COA1: variants seen among roughly 807,000 people sequenced by gnomAD.
COA1 encodes cytochrome c oxidase assembly factor 1 homolog.
Under a neutral mutation model 16.0 loss-of-function variants are expected in COA1, and 13 were observed. The observed-to-expected ratio is 0.81, with a 90% confidence interval of 0.53 to 1.29. The LOEUF is 1.29. COA1 is among the 50% of genes most tolerant of loss of function. The pLI is 0.00. For synonymous variants in COA1, 65 were observed against 65.7 expected (o/e 0.99, Z 0.05); for missense variants, 179 against 177.0 (o/e 1.01, Z -0.06).
intron 6 of COA1, among the ~76,000 whole-genome samples, chr7:43,615,229 G>C (rs1312467320): frequency 1.3e-5 from 2 of 152,174 alleles, no homozygotes; most frequent in Admixed American, 1.3e-4. Flanking sequence ...AGATTGGAGT[G>C]CAGTGGCACT....
chr7:43,641,537 C>A (rs4724238), intron 4 of COA1: 1 of 152,094 alleles, frequency 6.6e-6, no homozygotes, highest in Non-Finnish European at 1.5e-5. Flanking sequence ...AAATTTTTCA[C>A]AATAAAATAC....
intron 4 of COA1, 142 bp downstream of exon 4, chr7:43,645,109 C>CT (rs1030487989): frequency 2.2e-6 from 1 of 459,742 alleles, no homozygotes; most frequent in Non-Finnish European, 3.6e-6. Flanking sequence ...AATAGAAAAA[C>CT]TTTTTTTAAA....
chr7:43,670,296 G>GA (rs2093176031), intron 1 of COA1, among the ~76,000 whole-genome samples: 1 of 151,776 alleles, frequency 6.6e-6, no homozygotes, highest in Non-Finnish European at 1.5e-5. Flanking sequence ...TAAAAATACA[G>GA]AAAAAAATTA....
chr7:43,719,663 T>C (rs549868000), intron 1 of COA1, among the ~76,000 whole-genome samples: 2 of 152,248 alleles, frequency 1.3e-5, no homozygotes, highest in East Asian at 1.9e-4. Flanking sequence ...GTCTGAGGAG[T>C]TGAAAAGTGA....
intron 1 of COA1, among the ~76,000 whole-genome samples, chr7:43,714,526 G>A (rs1254636750): frequency 6.6e-6 from 1 of 151,798 alleles, no homozygotes; most frequent in African/African-American, 2.4e-5. Flanking sequence ...CTACTCGGGA[G>A]GCTGAGGCAG....
intron 1 of COA1, among the ~76,000 whole-genome samples, chr7:43,678,747 A>G (rs556067810): frequency 2.0e-5 from 3 of 152,246 alleles, no homozygotes; most frequent in Non-Finnish European, 2.9e-5. Flanking sequence ...CAAAACCACA[A>G]TAAGACACCA....
chr7:43,679,535 T>C (rs1043696369), intron 1 of COA1, among the ~76,000 whole-genome samples: 3 of 152,188 alleles, frequency 2.0e-5, no homozygotes, highest in Non-Finnish European at 2.9e-5. Context: ...GGGCACATCC[T>C]CACAGTGAGA....
chr7:43,686,495 A>G (rs1170476769), intron 1 of COA1, among the ~76,000 whole-genome samples: 1 of 151,442 alleles, frequency 6.6e-6, no homozygotes, highest in African/African-American at 2.4e-5. Context: ...TTTAGTAGAG[A>G]CGGGGTTTCA....
intron 1 of COA1, among the ~76,000 whole-genome samples, chr7:43,684,141 G>A (rs1053103198): frequency 5.3e-5 from 8 of 152,064 alleles, no homozygotes; most frequent in African/African-American, 1.9e-4. Context: ...TTCCACAGAG[G>A]AGGCAGGGGG....
At chr7:43,631,517 TGCCCAGCCACAAGTTGATAGTTCTTCTG>T (rs2085171256) in intron 6 of COA1, 1 of 152,296 alleles carries the variant, frequency 6.6e-6, no homozygotes, top group East Asian at 1.9e-4. Flanking sequence ...TGAGCCACCG[TGCCCAGCCACAAGTTGATAGTTCTTCTG>T]GCACTAAAAG....
At chr7:43,642,348 AGT>A (rs2153072634) in intron 4 of COA1, among the ~76,000 whole-genome samples, 1 of 152,150 alleles carries the variant, frequency 6.6e-6, no homozygotes, top group East Asian at 1.9e-4. Context: ...TACTCAGGAG[AGT>A]GAGGCAGGAG....
intron 1 of COA1, among the ~76,000 whole-genome samples, chr7:43,707,618 T>C (rs778575422): frequency 1.3e-5 from 2 of 152,252 alleles, no homozygotes; most frequent in Non-Finnish European, 1.5e-5. Context: ...AGTGGAATCA[T>C]ATACAGTAGT....
chr7:43,728,332 A>T (rs1390679952), intron 1 of COA1, among the ~76,000 whole-genome samples: 1 of 139,860 alleles, frequency 7.2e-6, no homozygotes, highest in Non-Finnish European at 1.5e-5. Context: ...ATTTTTTTAA[A>T]GGACTGAAGA....
chr7:43,728,117 G>A (rs2095656371), intron 1 of COA1, among the ~76,000 whole-genome samples: 1 of 152,006 alleles, frequency 6.6e-6, no homozygotes, highest in Non-Finnish European at 1.5e-5. Context: ...TGGGACTACA[G>A]GCTCCCGCCA....
intron 1 of COA1, among the ~76,000 whole-genome samples, chr7:43,725,926 A>G (rs1176036237): frequency 6.6e-6 from 1 of 151,476 alleles, no homozygotes. Context: ...AACAAAATTA[A>G]AAAAATACAA....
chr7:43,609,841 G>T (rs10282334), intron 6 of COA1, among the ~76,000 whole-genome samples: 3 of 152,040 alleles, frequency 2.0e-5, no homozygotes, highest in East Asian at 1.9e-4. Context: ...CTCACACCAC[G>T]ATCATCTACT....
chr7:43,723,994 A>G (rs1166484672), intron 1 of COA1, among the ~76,000 whole-genome samples: 1 of 152,230 alleles, frequency 6.6e-6, no homozygotes, highest in Non-Finnish European at 1.5e-5. Context: ...TCCATGATAA[A>G]CTTTTTATTT....
intron 1 of COA1, among the ~76,000 whole-genome samples, chr7:43,674,751 A>C (rs1405417460): frequency 2.0e-5 from 3 of 152,150 alleles, no homozygotes; most frequent in Non-Finnish European, 2.9e-5. Flanking sequence ...AGAGGGAGTA[A>C]ATATGTATGA....
chr7:43,642,796 C>T (rs1348964811), intron 4 of COA1, among the ~76,000 whole-genome samples: 1 of 152,180 alleles, frequency 6.6e-6, no homozygotes, highest in African/African-American at 2.4e-5. Context: ...ATCTCACACA[C>T]ATACTTGGGA....
Sources: gnomAD v4.1 joint callset for allele counts (sites outside exome capture counted in the v4.1 genomes callset) on GRCh38, gnomAD v4.1.1 for gene constraint, MANE v1.5 for transcripts, NCBI Gene and HGNC (gene_info 2026-07-23, HGNC 2026-07-21) for gene names.